The following NWD1 variants were observed in gnomAD, a reference collection of about 807,000 sequenced individuals.
NWD1 encodes the protein NACHT and WD repeat domain containing 1.
NWD1 carries 129 observed loss-of-function variants against 135.1 expected under a neutral mutation model. The observed-to-expected ratio is 0.96, with a 90% CI of 0.83 to 1.11. The LOEUF is 1.11. NWD1 is among the 50% of genes least tolerant of loss of function. The probability of loss-of-function intolerance (pLI) is 0.00; values close to 1 mark genes in which losing one functional copy is unlikely to be tolerated. For synonymous variants in NWD1, 773 were observed against 786.0 expected (o/e 0.98, Z 0.28); for missense variants, 1,740 against 1,851.3 (o/e 0.94, Z 1.10).
intron 2 of NWD1, chr19:16,727,558 G>A (rs1486751482): frequency 2.0e-5 from 3 of 152,672 alleles, no homozygotes; most frequent in African/African-American, 7.2e-5. Context: ...GGGCGGCAAT[G>A]AGCGTGGGCC....
At chr19:16,782,861 CTTCT>C (rs34577966) in intron 12 of NWD1, among the ~76,000 whole-genome samples, 51,449 of 147,918 alleles carry the variant, frequency 0.35, 10,157 homozygotes, top group East Asian at 0.55. Context: ...CTTCCTTTTC[CTTCT>C]TTCTTTCTTT....
At chr19:16,740,333 AATT>A (rs986312817) in intron 4 of NWD1, among the ~76,000 whole-genome samples, 18 of 151,500 alleles carry the variant, frequency 1.2e-4, no homozygotes, top group African/African-American at 4.4e-4. Flanking sequence ...ATAGAAAAGA[AATT>A]ATTATTATTA....
chr19:16,794,328 C>G, intron 14 of NWD1, 135 bp from the exon 15 acceptor site: 1 of 552,682 alleles, frequency 1.8e-6, no homozygotes, highest in Non-Finnish European at 3.2e-6. Context: ...ATCATACCAC[C>G]GCACTCCTGC....
intron 10 of NWD1, among the ~76,000 whole-genome samples, chr19:16,772,832 A>T (rs1969462166): frequency 6.6e-6 from 1 of 151,730 alleles, no homozygotes; most frequent in Admixed American, 6.6e-5. Flanking sequence ...GTGATAAAAG[A>T]GGAAGGAAGA....
intron 12 of NWD1, among the ~76,000 whole-genome samples, chr19:16,786,110 C>T (rs1970031941): frequency 6.6e-6 from 1 of 152,086 alleles, no homozygotes; most frequent in Non-Finnish European, 1.5e-5. Flanking sequence ...ACTGATTCAC[C>T]CACCTTGGCC....
chr19:16,755,645 C>T (rs530697459), intron 6 of NWD1, among the ~76,000 whole-genome samples: 11 of 152,142 alleles, frequency 7.2e-5, no homozygotes, highest in African/African-American at 2.4e-4. Flanking sequence ...ACCTTGGCCT[C>T]CCAAAGTGCT....
chr19:16,751,361 GAA>G (rs2122819760), intron 6 of NWD1, among the ~76,000 whole-genome samples: 1 of 151,296 alleles, frequency 6.6e-6, no homozygotes, highest in East Asian at 1.9e-4. Context: ...GAAAAAGAAA[GAA>G]AGAGAGAGAG....
At chr19:16,809,228 T>A (rs1970848660) in intron 18 of NWD1, among the ~76,000 whole-genome samples, 1 of 151,772 alleles carries the variant, frequency 6.6e-6, no homozygotes, top group African/African-American at 2.4e-5. Context: ...GGATTACAGA[T>A]AAGCACCACC....
At chr19:16,801,554 T>C (rs1162842702) in intron 17 of NWD1, 1 of 151,822 alleles carries the variant, frequency 6.6e-6, no homozygotes, top group African/African-American at 2.4e-5. Context: ...CGTCTCTACA[T>C]AAAAGACAAA....
At position 16,808,081 on chromosome 19, in the gene NWD1, T is replaced by G. The variant is rs749372142; in HGVS notation, c.4232T>G (p.Leu1411Arg). Residue 1411 changes from leucine (L) to arginine (R), a missense_variant, in exon 18 of 19, where the codon CTG (leucine) becomes CGG (arginine). Transcript: ENST00000524140. ...QLVVSGSEDA[L>R]LCLWDLQARK... ...GTGGTCAGCGGGTCTGAGGATGCCC[T>G]GCTGTGTCTCTGGGACCTGCAGGCA... 1.2e-6 allele frequency: 2 copies of G among 1,614,128 alleles called. No individual in the cohort carries two copies.
Position 16,731,246 on chromosome 19 carries a change from AC to A in NWD1, c.51del (p.Phe18SerfsTer7), listed in dbSNP as rs1164817230. 7 of 1,534,274 alleles carry A rather than the reference AC, an allele frequency of 4.6e-6. No individual in the cohort carries two copies. The highest frequency in any genetic ancestry group is 6.1e-6 in the Non-Finnish European group (7 of 1,145,204). Reference protein sequence around the residue: ...CRALPTLKCQTFCQRHGLMFE... With the variant: ...CRALPTLKCQXFCQRHGLMFE... ...AGCACTGCCTACCCTGAAGTGCCAG[AC>A]CTTCTGCCAGAGGCACGGCTTGATG... On this transcript the variant is annotated frameshift_variant, in exon 3 of 19. Coordinates refer to ENST00000524140, the MANE Select transcript of NWD1 (RefSeq NM_001007525.5). LOFTEE classifies it high-confidence loss of function.
chr19:16,772,686 T>C (rs568937326), intron 10 of NWD1, among the ~76,000 whole-genome samples: 1 of 151,846 alleles, frequency 6.6e-6, no homozygotes, highest in East Asian at 1.9e-4. Flanking sequence ...AACAAATAAA[T>C]TAGCTGAGTG....
chr19:16,728,248 A>G (rs551129242), intron 2 of NWD1, among the ~76,000 whole-genome samples: 31 of 151,660 alleles, frequency 2.0e-4, no homozygotes, highest in Non-Finnish European at 2.9e-4. Context: ...TTTGGAGAAC[A>G]GAGTATTATG....
Position 16,762,154 on chromosome 19 carries a change from C to A in NWD1, c.2133+16C>A, listed in dbSNP as rs760570640. The A allele has an allele frequency of 5.6e-6, 9 of 1,606,186 alleles. No individual in the cohort carries two copies. On this transcript the variant is annotated intron_variant, in intron 8 of 18. Transcript: ENST00000524140. ...GGACCGAAAGGTGAGGTACCTGGGACCCCCATTCCCCACCTGCAACCTCCA... is the reference window on the plus strand; with the variant it reads ...GGACCGAAAGGTGAGGTACCTGGGAACCCCATTCCCCACCTGCAACCTCCA...
chr19:16,738,496 G>C (rs1967929034), intron 4 of NWD1, among the ~76,000 whole-genome samples: 1 of 150,432 alleles, frequency 6.6e-6, no homozygotes, highest in African/African-American at 2.5e-5. Flanking sequence ...TTGAAACTGG[G>C]AGGCAGAGGT....
intron 11 of NWD1, among the ~76,000 whole-genome samples, chr19:16,775,100 T>A (rs1037658835): frequency 2.0e-5 from 3 of 152,140 alleles, no homozygotes; most frequent in African/African-American, 7.2e-5. Context: ...AGCTCCTTAC[T>A]GTGCCACATG....
chr19:16,788,869 A>G (rs1427330332), intron 12 of NWD1, 113 bp from the exon 13 acceptor site: 19 of 748,966 alleles, frequency 2.5e-5, no homozygotes, highest in South Asian at 6.5e-5. Flanking sequence ...ATTCAATTCC[A>G]TCCATCTTTT....
chr19:16,810,752 G>C (rs1345961050), intron 18 of NWD1, among the ~76,000 whole-genome samples: 2 of 152,152 alleles, frequency 1.3e-5, no homozygotes, highest in Non-Finnish European at 2.9e-5. Context: ...GACGATACAA[G>C]ATTCTGTCTC....
At chr19:16,738,364 T>A in intron 4 of NWD1, 1 of 305,320 alleles carries the variant, frequency 3.3e-6, no homozygotes, top group Non-Finnish European at 6.9e-6. Flanking sequence ...AGGTCAGGAG[T>A]TTGAGAGCAG....
Sources: gnomAD v4.1 joint callset for allele counts (sites outside exome capture counted in the v4.1 genomes callset) on GRCh38, gnomAD v4.1.1 for gene constraint, MANE v1.5 for transcripts, NCBI Gene and HGNC (gene_info 2026-07-23, HGNC 2026-07-21) for gene names.